Variants in TEX15 observed in about 807,000 individuals in gnomAD.
The protein encoded by TEX15 is testis expressed 15, meiosis and synapsis associated.
TEX15 carries 171 observed loss-of-function variants against 237.3 expected under a neutral mutation model. That is an observed-to-expected ratio of 0.72 (90% CI 0.64 to 0.82). The LOEUF is 0.82. Among genes scored for constraint, TEX15 ranks in the 40% least tolerant of loss-of-function variants. TEX15 has a pLI of 0.00. For synonymous variants in TEX15, 1,338 were observed against 1,269.8 expected (o/e 1.05, Z -1.14); for missense variants, 3,750 against 3,646.5 (o/e 1.03, Z -0.73).
At position 30,867,331 on chromosome 8, in the gene TEX15, A is replaced by G. The variant is rs1563258013; in HGVS notation, c.474T>C (p.His158=). The G allele has an allele frequency of 6.6e-7, 1 of 1,525,338 alleles. No individual in the cohort carries two copies. 94.5% of individuals were successfully genotyped at this position (1,525,338 alleles called of 1,614,324 possible). ...GAGAATAATTCAAGGCAATATCAAC[A>G]TGTCTAAACATATAAATTCCAAGAA... ...NPLLGIYMFR[H]VDIALNYSHS... Residue 158 remains histidine, a synonymous_variant, in exon 5 of 11, where the codon CAT becomes CAC. Transcript: ENST00000643185.
At position 30,848,759 on chromosome 8, in the gene TEX15, T is replaced by G. The variant is rs1807694030; in HGVS notation, c.1408A>C (p.Lys470Gln). Residue 470 changes from lysine (K) to glutamine (Q), a missense_variant, in exon 8 of 11, where the codon AAA (lysine) becomes CAA (glutamine). By Grantham distance (53) the Lys-to-Gln change is moderately conservative. Transcript: ENST00000643185. ...GAGGCAGAATTAGATGGTGTCGATT[T>G]TATTTCTGAATTAACATTATCTGAA... ...KSSDNVNSEI[K>Q]STPSNSASSS... The G allele has an allele frequency of 5.6e-6, 9 of 1,614,178 alleles. No homozygotes were observed. The highest frequency in any genetic ancestry group is 7.6e-6 in the Non-Finnish European group (9 of 1,180,020).
intron 3 of TEX15, among the ~76,000 whole-genome samples, chr8:30,881,616 A>ATT (rs199820564): frequency 2.3e-5 from 2 of 86,904 alleles, no homozygotes; most frequent in Non-Finnish European, 3.9e-5. Flanking sequence ...TTGACTTTTT[A>ATT]TTTTTTTTTA....
Position 30,848,929 on chromosome 8 carries a change from G to C in TEX15, c.1238C>G (p.Ser413Cys). Residue 413 changes from serine to cysteine, a missense_variant, in exon 8 of 11, where the codon TCT (serine) becomes TGT (cysteine). Physicochemically the swap from Ser to Cys is moderately radical, Grantham distance 112. Transcript: ENST00000643185. ...GCCAGTATTGTTGTGAAGAGGAAAA[G>C]AAGCATTAAGACCACTTAAAATATT... ...LKNILSGLNA[S>C]FPLHNNTGSS... is the part of the protein sequence containing the mutation. 1 of 1,614,160 alleles carries C rather than the reference G, an allele frequency of 6.2e-7. No homozygotes were observed. Among genetic ancestry groups the C allele is most frequent in the Non-Finnish European group, 8.5e-7 (1 of 1,180,010 alleles).
intron 7 of TEX15, among the ~76,000 whole-genome samples, chr8:30,851,350 C>G (rs2128768893): frequency 6.6e-6 from 1 of 152,324 alleles, no homozygotes; most frequent in South Asian, 2.1e-4. Flanking sequence ...ATTAATATGG[C>G]CGGGCAAGGT....
chr8:30,847,574 T>C lies in TEX15; in HGVS notation c.2593A>G (p.Asn865Asp). 1 of 1,612,866 alleles carries C rather than the reference T, an allele frequency of 6.2e-7. No individual in the cohort carries two copies. Among genetic ancestry groups the C allele is most frequent in the Non-Finnish European group, 8.5e-7 (1 of 1,179,788 alleles). Reference protein sequence around the residue: ...FKKQTDRENQNEAKENSASCV... With the variant: ...FKKQTDRENQDEAKENSASCV... ...GAAGCACTATTCTCTTTAGCCTCAT[T>C]TTGGTTTTCTCTATCTGTTTGTTTT... Residue 865 changes from asparagine to aspartate, a missense_variant, in exon 8 of 11, where the codon AAT (asparagine) becomes GAT (aspartate). Transcript: ENST00000643185.
intron 2 of TEX15, chr8:30,888,695 A>T: frequency 7.9e-7 from 1 of 1,266,322 alleles, no homozygotes; most frequent in Non-Finnish European, 1.0e-6. Flanking sequence ...TTCCAACATT[A>T]GATCACAATC....
intron 2 of TEX15, chr8:30,888,771 A>C: frequency 2.9e-6 from 2 of 680,450 alleles, no homozygotes; most frequent in Non-Finnish European, 4.5e-6. Context: ...AAGGTTCACA[A>C]GGATGTCCCT....
intron 7 of TEX15, among the ~76,000 whole-genome samples, chr8:30,851,311 T>C (rs1381578211): frequency 3.3e-5 from 5 of 152,212 alleles, no homozygotes; most frequent in Admixed American, 6.5e-5. Flanking sequence ...AGACAGAATG[T>C]TATGCAGCTA....
chr8:30,853,963 A>AT (rs541601455), intron 7 of TEX15, among the ~76,000 whole-genome samples: 167 of 152,242 alleles, frequency 1.1e-3, no homozygotes, highest in African/African-American at 3.3e-3. Flanking sequence ...ATAAATGAAA[A>AT]TTACAACATT....
Position 30,846,872 on chromosome 8 carries a change from G to A in TEX15, c.3295C>T (p.Arg1099Cys), listed in dbSNP as rs756435173. The change falls in exon 8 of 11, where the codon CGT (arginine) becomes TGT (cysteine). Residue 1099 changes from arginine to cysteine, a missense_variant. By Grantham distance (180) the Arg-to-Cys change is radical. Transcript: ENST00000643185. ...GCTAACAGACCTTCCCAACTGATAC[G>A]AGACTTCAGAGCCTTATATGAGGTC... ...FVTSYKALKS[R>C]ISWEGLLALD... 26 of 1,613,782 alleles carry A rather than the reference G, an allele frequency of 1.6e-5. No homozygotes were observed. Among genetic ancestry groups the A allele is most frequent in the South Asian group, 7.7e-5 (7 of 91,064 alleles).
rs1807492895 is a variant in TEX15 at position 30,842,816 on chromosome 8, C to T, written c.7351G>A (p.Val2451Ile). ...TTAAGAAAGTGAATTGTTTCTGAGACCATGACGATTTCAATATACATTTCA... is the reference window on the plus strand; with the variant it reads ...TTAAGAAAGTGAATTGTTTCTGAGATCATGACGATTTCAATATACATTTCA... ...AIEMYIEIVM[V>I]SETIHFLKNS... is the part of the protein sequence containing the mutation. Residue 2451 changes from valine to isoleucine, a missense_variant, in exon 8 of 11, where the codon GTC (valine) becomes ATC (isoleucine). By Grantham distance (29) the Val-to-Ile change is conservative. Transcript: ENST00000643185. 2.5e-6 allele frequency: 4 copies of T among 1,613,038 alleles called. No homozygotes were observed. The highest frequency in any genetic ancestry group is 3.4e-6 in the Non-Finnish European group (4 of 1,179,480).
intron 9 of TEX15, among the ~76,000 whole-genome samples, chr8:30,838,323 C>T (rs995124298): frequency 2.0e-5 from 3 of 152,054 alleles, no homozygotes; most frequent in African/African-American, 7.2e-5. Context: ...GTGCATTAGA[C>T]ATTTTCTAAT....
At position 30,837,360 on chromosome 8, in the gene TEX15, A is replaced by T. The variant is rs761262697; in HGVS notation, c.8924T>A (p.Val2975Glu). Residue 2975 changes from valine (V) to glutamate (E), a missense_variant, in exon 10 of 11, where the codon GTG becomes GAG. Coordinates refer to ENST00000643185, the MANE Select transcript of TEX15 (RefSeq NM_001350162.2). Reference sequence around the variant, plus strand: ...ATGCCCAGATGCTCCAAAAGTATGCACAGTATTGGGATTCAATGTATCCTT... The same window carrying T: ...ATGCCCAGATGCTCCAAAAGTATGCTCAGTATTGGGATTCAATGTATCCTT... ...YMKDTLNPNT[V>E]HTFGASGHIT... 8 of 1,614,180 alleles carry T rather than the reference A, an allele frequency of 5.0e-6. No homozygotes were observed. Among genetic ancestry groups the T allele is most frequent in the Non-Finnish European group, 6.8e-6 (8 of 1,180,006 alleles).
At position 30,847,402 on chromosome 8, in the gene TEX15, A is replaced by C. The variant is rs779858055; in HGVS notation, c.2765T>G (p.Phe922Cys). The change falls in exon 8 of 11, where the codon TTT becomes TGT. Residue 922 changes from phenylalanine to cysteine, a missense_variant. Physicochemically the swap from Phe to Cys is radical, Grantham distance 205. Coordinates refer to ENST00000643185, the MANE Select transcript of TEX15 (RefSeq NM_001350162.2). ...ILSSEEFSTK[F>C]NLICREDNAV... The stretch of plus-strand genomic sequence containing the variant: ...ATTATCTTCTCTGCAAATCAAGTTA[A>C]ATTTAGTAGAAAATTCTTCAGAACT... The C allele has an allele frequency of 3.8e-5, 61 of 1,612,328 alleles. 1 individual carries two copies. In the South Asian group the frequency reaches 6.4e-4, roughly 17 times the overall value.
At position 30,848,608 on chromosome 8, in the gene TEX15, C is replaced by G. The variant is rs746217378; in HGVS notation, c.1559G>C (p.Cys520Ser). The G allele has an allele frequency of 9.9e-6, 16 of 1,613,934 alleles. No homozygotes were observed. Among genetic ancestry groups the G allele is most frequent in the Non-Finnish European group, 3.4e-6 (4 of 1,180,012 alleles). Residue 520 changes from cysteine (C) to serine (S), a missense_variant, in exon 8 of 11, where the codon TGT becomes TCT. Transcript: ENST00000643185. The part of the protein sequence containing the change: ...AHNMGSEDYD[C>S]IPPNKVTMAG... ...CATGGTAACTTTATTGGGAGGTATA[C>G]AGTCATAGTCCTCAGAGCCCATGTT...
chr8:30,844,735 T>C lies in TEX15; in HGVS notation c.5432A>G (p.Glu1811Gly). 1 of 1,613,200 alleles carries C rather than the reference T, an allele frequency of 6.2e-7. No homozygotes were observed. The highest frequency in any genetic ancestry group is 8.5e-7 in the Non-Finnish European group (1 of 1,179,554). ...EDKSYGENIV[E>G]LSSSDSSLLL... is the part of the protein sequence containing the mutation. ...CAGAGAACTATCACTGGAAGATAATTCCACTATATTTTCCCCATAACTTTT... is the reference window on the plus strand; with the variant it reads ...CAGAGAACTATCACTGGAAGATAATCCCACTATATTTTCCCCATAACTTTT... Residue 1811 changes from glutamate (E) to glycine (G), a missense_variant, in exon 8 of 11, where the codon GAA (glutamate) becomes GGA (glycine). Coordinates refer to ENST00000643185, the MANE Select transcript of TEX15 (RefSeq NM_001350162.2).
chr8:30,902,698 T>A (rs1809030460), intron 1 of TEX15, among the ~76,000 whole-genome samples: 1 of 152,216 alleles, frequency 6.6e-6, no homozygotes, highest in African/African-American at 2.4e-5. Flanking sequence ...TGTATCAGAA[T>A]CACCTAGAGG....
intron 1 of TEX15, among the ~76,000 whole-genome samples, chr8:30,905,270 A>T (rs1809078407): frequency 6.6e-6 from 1 of 151,986 alleles, no homozygotes; most frequent in Non-Finnish European, 1.5e-5. Flanking sequence ...ACTTCAAAAA[A>T]AAAAAAAAAA....
intron 7 of TEX15, among the ~76,000 whole-genome samples, chr8:30,855,639 T>C (rs576385050): frequency 3.7e-4 from 56 of 152,272 alleles, no homozygotes; most frequent in African/African-American, 1.3e-3. Flanking sequence ...TAAAAACTTG[T>C]ATGCGAATAT....
Sources: gnomAD v4.1 joint callset for allele counts (sites outside exome capture counted in the v4.1 genomes callset) on GRCh38, gnomAD v4.1.1 for gene constraint, MANE v1.5 for transcripts, NCBI Gene and HGNC (gene_info 2026-07-23, HGNC 2026-07-21) for gene names.